Variants in RANBP2 observed in about 807,000 individuals in gnomAD.
The protein encoded by RANBP2 is E3 SUMO-protein ligase RanBP2.
RANBP2 carries 57 observed loss-of-function variants against 303.6 expected under a neutral mutation model. The ratio of observed to expected loss-of-function variants is 0.19; its 90% confidence interval spans 0.15 to 0.23. RANBP2 has a LOEUF of 0.23. Ranked by LOEUF, RANBP2 falls within the 10% of genes least tolerant of loss-of-function variation. The probability of loss-of-function intolerance (pLI) is 1.00; values close to 1 mark genes in which losing one functional copy is unlikely to be tolerated. For missense variants in RANBP2, 3,138 were observed against 3,780.8 expected (o/e 0.83, Z 4.46); for synonymous variants, 1,167 against 1,301.5 (o/e 0.90, Z 2.23).
At chr2:108,884,803 G>GT in the RANBP2 span, 2 of 152,230 alleles carry the variant, frequency 1.3e-5, no homozygotes, top group African/African-American at 4.8e-5. Flanking sequence ...CCGGGCAGCT[G>GT]TGAGTCCAGG....
the RANBP2 span, among the ~76,000 whole-genome samples, chr2:109,658,804 C>T: frequency 6.6e-6 from 1 of 151,782 alleles, no homozygotes; most frequent in Non-Finnish European, 1.5e-5. Context: ...CGGTGGCTCA[C>T]ACCTGTAATC....
chr2:109,389,539 CA>C, the RANBP2 span, among the ~76,000 whole-genome samples: 1 of 152,170 alleles, frequency 6.6e-6, no homozygotes, highest in Non-Finnish European at 1.5e-5. Flanking sequence ...GGTCAGGACC[CA>C]ATCAATGGAT....
chr2:109,345,827 A>G, the RANBP2 span, among the ~76,000 whole-genome samples: 31,332 of 152,200 alleles, frequency 0.21, 3,698 homozygotes, highest in African/African-American at 0.33. Context: ...GCTCTGGGCC[A>G]GGTCATTCTT....
the RANBP2 span, among the ~76,000 whole-genome samples, chr2:109,760,761 GAGTCACTGTGGTA>G: frequency 7.0e-6 from 1 of 143,408 alleles, no homozygotes; most frequent in Non-Finnish European, 1.5e-5. Context: ...ATGGGACCTC[GAGTCACTGTGGTA>G]AGTCCCCGTG....
chr2:109,366,132 C>T, the RANBP2 span, among the ~76,000 whole-genome samples: 1 of 152,118 alleles, frequency 6.6e-6, no homozygotes. Flanking sequence ...GTTATCCATT[C>T]TTTAAATTTT....
chr2:109,449,198 C>A, the RANBP2 span: 1 of 1,613,678 alleles, frequency 6.2e-7, no homozygotes, highest in Non-Finnish European at 8.5e-7. Flanking sequence ...AGGCTCAGGA[C>A]CGGCCAACTG....
At chr2:109,064,474 A>AAAAC in the RANBP2 span, among the ~76,000 whole-genome samples, 1 of 148,900 alleles carries the variant, frequency 6.7e-6, no homozygotes, top group Non-Finnish European at 1.5e-5. Context: ...AAAAAAAACA[A>AAAAC]AAACAAACTG....
At chr2:109,647,933 G>A in the RANBP2 span, among the ~76,000 whole-genome samples, 1 of 152,200 alleles carries the variant, frequency 6.6e-6, no homozygotes, top group East Asian at 1.9e-4. Flanking sequence ...TGCCCACTGA[G>A]GCCTGGCTCT....
the RANBP2 span, among the ~76,000 whole-genome samples, chr2:109,365,309 C>G: frequency 3.2e-3 from 485 of 152,336 alleles, 4 homozygotes; most frequent in African/African-American, 0.011. Flanking sequence ...GTTCTTACCT[C>G]TCAGGCTGTC....
chr2:108,740,842 A>G (rs1165253739), intron 7 of RANBP2, among the ~76,000 whole-genome samples, 161 bp downstream of exon 7: 1 of 150,648 alleles, frequency 6.6e-6, no homozygotes, highest in Admixed American at 6.6e-5. Flanking sequence ...AGCATACACA[A>G]TACTGGTGAG....
At chr2:109,571,708 T>G in the RANBP2 span, among the ~76,000 whole-genome samples, 1 of 152,158 alleles carries the variant, frequency 6.6e-6, no homozygotes, top group Admixed American at 6.5e-5. Flanking sequence ...ATCCTCAGGG[T>G]ATCGAAACCA....
the RANBP2 span, among the ~76,000 whole-genome samples, chr2:109,719,189 C>G: frequency 6.7e-6 from 1 of 149,776 alleles, no homozygotes; most frequent in African/African-American, 2.5e-5. Context: ...CTCCGCCTCC[C>G]AGGTTCAAGT....
At chr2:109,748,006 T>C in the RANBP2 span, among the ~76,000 whole-genome samples, 1 of 94,038 alleles carries the variant, frequency 1.1e-5, no homozygotes, top group South Asian at 4.1e-4. Context: ...TTTTAACATT[T>C]ATACCTTTTT....
the RANBP2 span, among the ~76,000 whole-genome samples, chr2:109,195,745 G>A: frequency 2.6e-5 from 4 of 152,200 alleles, no homozygotes; most frequent in Non-Finnish European, 4.4e-5. Flanking sequence ...TTCTGATAAG[G>A]CGTTTAAAAA....
chr2:109,039,758 T>C, the RANBP2 span, among the ~76,000 whole-genome samples: 1 of 152,186 alleles, frequency 6.6e-6, no homozygotes, highest in African/African-American at 2.4e-5. Context: ...AATTTATTTA[T>C]TTTTAGTTAA....
chr2:109,474,748 T>G, the RANBP2 span, among the ~76,000 whole-genome samples: 2 of 152,200 alleles, frequency 1.3e-5, no homozygotes, highest in African/African-American at 4.8e-5. Flanking sequence ...CAGAGCCAGA[T>G]GGATCCAGTG....
chr2:109,613,663 G>T, the RANBP2 span: 1 of 559,272 alleles, frequency 1.8e-6, no homozygotes, highest in Non-Finnish European at 2.6e-6. Flanking sequence ...AAGCCGGGGA[G>T]CACTGGGCGG....
chr2:108,842,655 TGG>T, the RANBP2 span, among the ~76,000 whole-genome samples: 1 of 152,044 alleles, frequency 6.6e-6, no homozygotes, highest in African/African-American at 2.4e-5. Flanking sequence ...CATAGGGAAG[TGG>T]TCATTAGGGA....
chr2:109,301,516 A>G, the RANBP2 span, among the ~76,000 whole-genome samples: 4 of 152,140 alleles, frequency 2.6e-5, no homozygotes, highest in African/African-American at 9.7e-5. Flanking sequence ...GTGACAGCAC[A>G]GGGCATGCCA....
Sources: gnomAD v4.1 joint callset for allele counts (sites outside exome capture counted in the v4.1 genomes callset) on GRCh38, gnomAD v4.1.1 for gene constraint, MANE v1.5 for transcripts, NCBI Gene and HGNC (gene_info 2026-07-23, HGNC 2026-07-21) for gene names.